The following ZNF469 variants were observed in gnomAD, a reference collection of about 807,000 sequenced individuals.
ZNF469 encodes zinc finger protein 469.
ZNF469 carries 1 observed loss-of-function variant against 1.0 expected under a neutral mutation model. The ratio of observed to expected loss-of-function variants is 1.00; its 90% CI spans 0.35 to 4.73. The LOEUF (loss-of-function observed/expected upper bound fraction) is 4.73. ZNF469 is among the 30% of genes most tolerant of loss of function. The pLI, the probability that ZNF469 is intolerant of heterozygous loss-of-function variation, is 0.16. For missense variants in ZNF469, 6,100 were observed against 5,356.3 expected, an observed-to-expected ratio of 1.14 and a Z score of -4.33; for synonymous variants, 2,703 against 2,363.4, an observed-to-expected ratio of 1.14 and a Z score of -4.17.
the ZNF469 span, among the ~76,000 whole-genome samples, chr16:88,348,802 G>A: frequency 1.5e-4 from 23 of 152,130 alleles, no homozygotes; most frequent in African/African-American, 4.3e-4. Flanking sequence ...AAGACCTGTC[G>A]TCTCCTTCTT....
chr16:88,213,518 A>G, the ZNF469 span, among the ~76,000 whole-genome samples: 12 of 152,226 alleles, frequency 7.9e-5, no homozygotes, highest in African/African-American at 2.7e-4. Context: ...GTCTTTTGTT[A>G]GCATAGCAAA....
chr16:88,348,577 G>A, the ZNF469 span, among the ~76,000 whole-genome samples: 1 of 152,204 alleles, frequency 6.6e-6, no homozygotes, highest in Non-Finnish European at 1.5e-5. Context: ...AGCTGTACAG[G>A]GAGTGGGGGT....
chr16:88,193,113 G>GAT, the ZNF469 span, among the ~76,000 whole-genome samples: 1 of 92,484 alleles, frequency 1.1e-5, no homozygotes, highest in Non-Finnish European at 2.2e-5. Flanking sequence ...TGGTGGTGGT[G>GAT]GTGATGGTGG....
chr16:88,119,065 A>G, the ZNF469 span, among the ~76,000 whole-genome samples: 1 of 152,162 alleles, frequency 6.6e-6, no homozygotes, highest in Non-Finnish European at 1.5e-5. Flanking sequence ...GTCTTTTGCA[A>G]TTTTCCCTGA....
At chr16:88,372,360 C>T in the ZNF469 span, among the ~76,000 whole-genome samples, 11 of 133,744 alleles carry the variant, frequency 8.2e-5, no homozygotes, top group African/African-American at 3.1e-4. Context: ...TCGTCACCAT[C>T]GCCATCACCA....
At chr16:88,319,692 T>G in the ZNF469 span, among the ~76,000 whole-genome samples, 1 of 152,138 alleles carries the variant, frequency 6.6e-6, no homozygotes, top group East Asian at 1.9e-4. Context: ...TCGTGCAAAC[T>G]CGACGCCTTG....
At position 88,398,933 on chromosome 16, in the gene ZNF469, C is replaced by G. The variant is rs1479481395; in HGVS notation, c.-192+15679C>G. ...TGACCTGCACTGCCTCATTTCATCC[C>G]CACAGCAAACCACCACCCCCCCAGG... On this transcript the variant is annotated intron_variant, in intron 1 of 2. Transcript: ENST00000565624. 4.6e-5 allele frequency among the ~76,000 whole-genome samples: 7 copies of G among 152,226 alleles called. No individual in the cohort carries two copies. In the East Asian group the frequency reaches 1.2e-3, roughly 25 times the overall value.
At position 88,430,844 on chromosome 16, in the gene ZNF469, A is replaced by T; in HGVS notation, c.3374A>T (p.Glu1125Val). The T allele has an allele frequency of 6.5e-7, 1 of 1,535,878 alleles. No homozygotes were observed. Among genetic ancestry groups the T allele is most frequent in the Non-Finnish European group, 8.7e-7 (1 of 1,146,074 alleles). Residue 1125 changes from glutamate (E) to valine (V), a missense_variant, in exon 3 of 3, where the codon GAG (glutamate) becomes GTG (valine). Transcript: ENST00000565624. ...RGRGEKRKEV[E>V]LTQGPREDEP... ...CGAGGCGAGAAGAGGAAGGAAGTGGAGCTGACCCAGGGTCCCAGAGAGGAT... is the reference window on the plus strand; with the variant it reads ...CGAGGCGAGAAGAGGAAGGAAGTGGTGCTGACCCAGGGTCCCAGAGAGGAT...
At chr16:88,108,889 G>A in the ZNF469 span, among the ~76,000 whole-genome samples, 1 of 152,300 alleles carries the variant, frequency 6.6e-6, no homozygotes, top group South Asian at 2.1e-4. Context: ...ACCAGCCCCG[G>A]TCGGGACTTC....
the ZNF469 span, among the ~76,000 whole-genome samples, chr16:88,125,645 C>G: frequency 6.6e-6 from 1 of 152,146 alleles, no homozygotes; most frequent in African/African-American, 2.4e-5. Flanking sequence ...TCAGGTCTAG[C>G]TCATACTTTG....
the ZNF469 span, among the ~76,000 whole-genome samples, chr16:88,139,233 C>T: frequency 1.8e-4 from 28 of 152,324 alleles, no homozygotes; most frequent in Admixed American, 2.6e-4. Flanking sequence ...CAAGGAACTG[C>T]GCATGCTGTG....
chr16:88,173,818 T>G, the ZNF469 span, among the ~76,000 whole-genome samples: 1 of 152,062 alleles, frequency 6.6e-6, no homozygotes, highest in South Asian at 2.1e-4. Flanking sequence ...TCTAGAACAT[T>G]CAATAAAAAT....
chr16:88,254,232 C>T, the ZNF469 span, among the ~76,000 whole-genome samples: 63,560 of 151,994 alleles, frequency 0.42, 13,895 homozygotes, highest in East Asian at 0.64. Flanking sequence ...TCCACGTGAT[C>T]GCCAATTGTC....
the ZNF469 span, among the ~76,000 whole-genome samples, chr16:88,115,421 C>CG: frequency 1.3e-5 from 2 of 152,036 alleles, no homozygotes; most frequent in East Asian, 3.9e-4. Context: ...CGGGGGTCAC[C>CG]GCCGTGCACC....
At chr16:88,181,433 G>A in the ZNF469 span, among the ~76,000 whole-genome samples, 3 of 152,140 alleles carry the variant, frequency 2.0e-5, no homozygotes, top group Non-Finnish European at 4.4e-5. Context: ...ATTCCAGGCC[G>A]TAAAACAGAT....
the ZNF469 span, among the ~76,000 whole-genome samples, chr16:88,309,187 C>G: frequency 2.0e-5 from 3 of 152,252 alleles, no homozygotes; most frequent in African/African-American, 7.2e-5. Flanking sequence ...ATGCTCACCT[C>G]TCAGGGGAAG....
Position 88,439,357 on chromosome 16 carries a change from C to T in ZNF469, c.*25C>T, listed in dbSNP as rs757870827. 2.1e-5 allele frequency: 33 copies of T among 1,549,520 alleles called. 1 individual carries two copies. In the South Asian group the frequency reaches 2.9e-4, roughly 13 times the overall value. ...ATTTCTAGGAGCAAGAGCCTGGGAC[C>T]GGAGCTGGGCGTTCCTGTCTCGGCC... On this transcript the variant is annotated 3_prime_UTR_variant, in exon 3 of 3. Transcript: ENST00000565624.
chr16:88,178,569 A>C, the ZNF469 span: 2 of 152,290 alleles, frequency 1.3e-5, no homozygotes, highest in Non-Finnish European at 2.9e-5. Flanking sequence ...GCAGAGTGGG[A>C]GATGACTTTT....
chr16:88,381,205 G>C (rs111164433), upstream of ZNF469, among the ~76,000 whole-genome samples: 184 of 99,386 alleles, frequency 1.9e-3, 10 homozygotes, highest in African/African-American at 5.9e-3. Flanking sequence ...TGCATTCACA[G>C]ACACACACAC....
Sources: gnomAD v4.1 joint callset for allele counts (sites outside exome capture counted in the v4.1 genomes callset) on GRCh38, gnomAD v4.1.1 for gene constraint, MANE v1.5 for transcripts, NCBI Gene and HGNC (gene_info 2026-07-23, HGNC 2026-07-21) for gene names.